STAT6: variants seen among roughly 807,000 people sequenced by gnomAD.
The protein encoded by STAT6 is signal transducer and activator of transcription 6.
Under a neutral mutation model 106.3 loss-of-function variants are expected in STAT6, and 45 were observed. The observed-to-expected ratio is 0.42, with a 90% CI of 0.33 to 0.54. STAT6 has a LOEUF of 0.54. STAT6 is among the 20% of genes least tolerant of loss of function. The pLI, the probability that STAT6 is intolerant of heterozygous loss-of-function variation, is 0.06. For missense variants in STAT6, 797 were observed against 1,062.2 expected (o/e 0.75, Z 3.47); for synonymous variants, 413 against 413.6 (o/e 1.00, Z 0.02).
Position 57,100,092 on chromosome 12 carries a change from TA to T in STAT6, c.1513-3del, listed in dbSNP as rs749603805. On this transcript the variant is annotated splice_polypyrimidine_tract_variant and splice_region_variant and intron_variant, in intron 13 of 21. Coordinates refer to ENST00000300134, the MANE Select transcript of STAT6 (RefSeq NM_003153.5). ...GAAGCCACGGCCCAGCAGGATCTCC[TA>T]GGGGGAGAGGGGGAAAGGTGTGAGC... 2.5e-6 allele frequency: 4 copies of T among 1,585,284 alleles called. No individual in the cohort carries two copies. The highest frequency in any genetic ancestry group is 1.4e-5 in the African/African-American group (1 of 74,036).
rs1344481564 is a variant in STAT6 at position 57,099,490 on chromosome 12, C to T, written c.1745-50G>A. 1 of 1,610,994 alleles carries T rather than the reference C, an allele frequency of 6.2e-7. No homozygotes were observed. Among genetic ancestry groups the T allele is most frequent in the Admixed American group, 1.7e-5 (1 of 59,942 alleles). ...ATCCCTCTGTCCGGACTTTCTTCCC[C>T]TTCCCCAACCCCTACCATAAGACCT... On this transcript the variant is annotated intron_variant, in intron 15 of 21. Coordinates refer to ENST00000300134, the MANE Select transcript of STAT6 (RefSeq NM_003153.5). This position sits in a 1 kb window ranked among gnomAD's most constrained non-coding sequence, Gnocchi z 4.7.
At chr12:57,100,916 A>C (rs1415423510) in intron 13 of STAT6, 3 of 454,240 alleles carry the variant, frequency 6.6e-6, no homozygotes. Flanking sequence ...AATGGGGATA[A>C]TAATAGTATC....
chr12:57,106,899 CTCTGCTCTGCAGATAGCGTTTTCT>C (rs2034317210), intron 4 of STAT6, 68 bp from the exon 5 acceptor site: 1 of 1,595,848 alleles, frequency 6.3e-7, no homozygotes. Context: ...GGCCTCCACT[CTCTGCTCTGCAGATAGCGTTTTCT>C]TGTTCCCCTC....
At chr12:57,105,954 C>CT (rs2034247693) in intron 7 of STAT6, 1 of 685,010 alleles carries the variant, frequency 1.5e-6, no homozygotes. Context: ...AGGCATGGGG[C>CT]TTGAGGAGAG....
intron 19 of STAT6, 146 bp downstream of exon 19, chr12:57,098,359 T>A: frequency 1.2e-6 from 1 of 835,232 alleles, no homozygotes; most frequent in Non-Finnish European, 2.0e-6. Context: ...AGATCTTAAC[T>A]ACTACCCCCT....
rs374272818 is a variant in STAT6 at position 57,097,030 on chromosome 12, A to G, written c.2225+38T>C. 1.1e-4 allele frequency: 171 copies of G among 1,595,562 alleles called. 1 individual carries two copies. The Middle Eastern group carries it at 1.5e-3, about 14-fold the overall frequency. On this transcript the variant is annotated intron_variant, in intron 20 of 21. Transcript: ENST00000300134. ...GGAGAGCGGGGCAAGGCCAGGAAAG[A>G]AGAGGCACATGGGGTCAGGAGGGGC...
Position 57,098,501 on chromosome 12 carries a change from T to G in STAT6, c.2159+4A>C. On this transcript the variant is annotated splice_donor_region_variant and intron_variant, in intron 19 of 21. Transcript: ENST00000300134. ...ATGGTATCCCCATGAGGTTTTTCAC[T>G]TACTCCTGGAAGGCTGACAACACGT... 1.9e-6 allele frequency: 3 copies of G among 1,613,978 alleles called. No homozygotes were observed. Among genetic ancestry groups the G allele is most frequent in the Non-Finnish European group, 2.5e-6 (3 of 1,179,888 alleles).
At chr12:57,097,840 C>T (rs2033550607) in intron 19 of STAT6, among the ~76,000 whole-genome samples, 2 of 151,876 alleles carry the variant, frequency 1.3e-5, no homozygotes, top group South Asian at 4.2e-4. Context: ...GCGGAGGTTG[C>T]AGGGAGCTAA....
In STAT6 at chr12:57,099,677, C is replaced by A. The variant is rs116388854; in HGVS notation, c.1744+90G>T. On this transcript the variant is annotated intron_variant, in intron 15 of 21. Transcript: ENST00000300134. The surrounding 1 kb of genome is among the most constrained non-coding windows in gnomAD (Gnocchi z 4.7). ...GGAAGAACTTCCTGAAGATCAGGAT[C>A]GGCATCAGGAAGGTCAGGACATTTC... 3.9e-6 allele frequency: 6 copies of A among 1,544,714 alleles called. No individual in the cohort carries two copies. The Admixed American group carries it at 9.2e-5, about 24-fold the overall frequency.
chr12:57,104,210 C>T (rs149418039), intron 11 of STAT6: 31 of 509,816 alleles, frequency 6.1e-5, no homozygotes, highest in African/African-American at 3.6e-4. Context: ...CACGCATGTG[C>T]GTATGTATCA....
chr12:57,108,367 A>G (rs1270149091), intron 1 of STAT6, 68 bp from the exon 2 acceptor site: 1 of 824,242 alleles, frequency 1.2e-6, no homozygotes, highest in East Asian at 2.7e-5. Flanking sequence ...TGGGGCAGCC[A>G]GGGACCTCCC....
At position 57,107,303 on chromosome 12, in the gene STAT6, C is replaced by T; in HGVS notation, c.267G>A (p.Gln89=). 1 of 1,614,126 alleles carries T rather than the reference C, an allele frequency of 6.2e-7. No homozygotes were observed. The highest frequency in any genetic ancestry group is 1.1e-5 in the South Asian group (1 of 91,082). The stretch of plus-strand genomic sequence containing the variant: ...TGGCCACCAGCTTCAGGGGGTCCCT[C>T]TGATATATGCTCTACAGAAATGAGG... ...QHISTLESIY[Q]RDPLKLVATF... The change falls in exon 4 of 22, where the codon CAG becomes CAA. Residue 89 remains glutamine, a synonymous_variant. Transcript: ENST00000300134.
At chr12:57,102,997 T>C (rs2034047230) in intron 11 of STAT6, 76 bp from the exon 12 acceptor site, 3 of 380,132 alleles carry the variant, frequency 7.9e-6, no homozygotes, top group Non-Finnish European at 1.3e-5. Context: ...TTTTTTTTTT[T>C]TTTTTTTTTT....
Position 57,108,295 on chromosome 12 carries a change from G to T in STAT6, c.-17C>A. The stretch of plus-strand genomic sequence containing the variant: ...CAGAGACATGATCTGGGACTTGGAG[G>T]TTGCCTGGAGGAGAAAAATAAGGCC... On this transcript the variant is annotated 5_prime_UTR_variant, in exon 2 of 22. Transcript: ENST00000300134. 1 of 1,548,878 alleles carries T rather than the reference G, an allele frequency of 6.5e-7. No individual in the cohort carries two copies. The highest frequency in any genetic ancestry group is 8.9e-7 in the Non-Finnish European group (1 of 1,127,134).
rs1242772405 is a variant in STAT6 at position 57,107,532 on chromosome 12, C to T, written c.255+73G>A. ...TTGCTTCCAGCATCCAACCAATTTTCTTCCAGGGCCCAATGCTCAACCCAG... is the reference window on the plus strand; with the variant it reads ...TTGCTTCCAGCATCCAACCAATTTTTTTCCAGGGCCCAATGCTCAACCCAG... On this transcript the variant is annotated intron_variant, in intron 3 of 21. Coordinates refer to ENST00000300134, the MANE Select transcript of STAT6 (RefSeq NM_003153.5). The T allele has an allele frequency of 5.2e-6, 8 of 1,549,920 alleles. No homozygotes were observed. In the African/African-American group the frequency reaches 8.2e-5, roughly 16 times the overall value.
intron 13 of STAT6, among the ~76,000 whole-genome samples, chr12:57,100,606 A>G (rs993741110): frequency 6.6e-6 from 1 of 150,710 alleles, no homozygotes; most frequent in Non-Finnish European, 1.5e-5. Flanking sequence ...ATTCTGTCTC[A>G]CACAAAAGAA....
rs201086579 is a variant in STAT6, at chr12:57,100,638, G to GAGAAAGAAAGAAAGAA, written c.1513-564_1513-549dup. ...AGAAAGAAAAAGAGAGAAAGAGAAA[G>GAGAAAGAAAGAAAGAA]AGAAAGAAAGAAAGAAAGAAAGAAA... On this transcript the variant is annotated intron_variant, in intron 13 of 21. Coordinates refer to ENST00000300134, the MANE Select transcript of STAT6 (RefSeq NM_003153.5). Among the ~76,000 whole-genome samples the GAGAAAGAAAGAAAGAA allele has an allele frequency of 1.9e-4, 19 of 100,134 alleles. 1 individual carries two copies. Among genetic ancestry groups the GAGAAAGAAAGAAAGAA allele is most frequent in the East Asian group, 1.3e-3 (4 of 3,120 alleles). 65.7% of individuals were successfully genotyped at this position (100,134 alleles called of 152,430 possible).
rs373679457 is a variant in STAT6 at position 57,099,375 on chromosome 12, C to T, written c.1810G>A (p.Asp604Asn). 118 of 1,613,992 alleles carry T rather than the reference C, an allele frequency of 7.3e-5. No homozygotes were observed. The highest frequency in any genetic ancestry group is 6.6e-5 in the Non-Finnish European group (78 of 1,180,006). ...AKDLSIRSLG[D>N]RIRDLAQLKN... ...AGCTGAGCAAGATCCCGGATTCGGT[C>T]CCCCAGTGAGCGAATGGACAGGTCT... The change falls in exon 16 of 22, where the codon GAC (aspartate) becomes AAC (asparagine). Residue 604 changes from aspartate (D) to asparagine (N), a missense_variant. Coordinates refer to ENST00000300134, the MANE Select transcript of STAT6 (RefSeq NM_003153.5). This position sits in a 1 kb window ranked among gnomAD's most constrained non-coding sequence, Gnocchi z 4.7.
At chr12:57,106,053 G>T in intron 7 of STAT6, 138 bp downstream of exon 7, 3 of 1,428,048 alleles carry the variant, frequency 2.1e-6, no homozygotes, top group Non-Finnish European at 2.8e-6. Flanking sequence ...GCACAGCCCC[G>T]CTGGAACTGG....
Sources: gnomAD v4.1 joint callset for allele counts (sites outside exome capture counted in the v4.1 genomes callset) on GRCh38, gnomAD v4.1.1 for gene constraint, Gnocchi (gnomAD v3.1) non-coding constraint, MANE v1.5 for transcripts, NCBI Gene and HGNC (gene_info 2026-07-23, HGNC 2026-07-21) for gene names.